Variants in TYW1B observed in about 807,000 individuals in gnomAD.
TYW1B encodes S-adenosyl-L-methionine-dependent tRNA 4-demethylwyosine synthase TYW1B.
Under a neutral mutation model 86.9 loss-of-function variants are expected in TYW1B, and 73 were observed. The ratio of observed to expected loss-of-function variants is 0.84; its 90% CI spans 0.70 to 1.02. TYW1B has a LOEUF of 1.02. Ranked by LOEUF, TYW1B falls within the 50% of genes least tolerant of loss-of-function variation. TYW1B has a pLI of 0.00. For synonymous variants in TYW1B, 248 were observed against 292.8 expected, an observed-to-expected ratio of 0.85 and a Z score of 1.56; for missense variants, 637 against 827.4, an observed-to-expected ratio of 0.77 and a Z score of 2.82.
At chr7:72,793,380 A>T (rs1554473910) in intron 6 of TYW1B, among the ~76,000 whole-genome samples, 1 of 152,024 alleles carries the variant, frequency 6.6e-6, no homozygotes. Context: ...ATTAAATGAA[A>T]CTACAAAGAG....
At chr7:72,801,842 T>C (rs1422552622) in intron 6 of TYW1B, among the ~76,000 whole-genome samples, 1 of 152,032 alleles carries the variant, frequency 6.6e-6, no homozygotes, top group Admixed American at 6.6e-5. Context: ...CACCACTTAG[T>C]CTATACAGCA....
chr7:72,590,827 A>G lies in TYW1B; in HGVS notation c.1786-15108T>C, dbSNP rs547679963. Among the ~76,000 whole-genome samples the G allele has an allele frequency of 2.0e-5, 3 of 152,332 alleles. No individual in the cohort carries two copies. The South Asian group carries it at 6.2e-4, about 32-fold the overall frequency. ...AGTGAAGTATGGTCCATCCAAAAGA[A>G]AACTACAAATCCAACAGAAACTGAC... On this transcript the variant is annotated intron_variant, in intron 13 of 13. Transcript: ENST00000620995.
At chr7:72,745,246 ACTC>A (rs1787374988) in intron 7 of TYW1B, among the ~76,000 whole-genome samples, 1 of 151,764 alleles carries the variant, frequency 6.6e-6, no homozygotes, top group South Asian at 2.1e-4. Context: ...CTGGTCTTGA[ACTC>A]CTGGTCTCAA....
At chr7:72,806,231 GTGT>G in intron 5 of TYW1B, among the ~76,000 whole-genome samples, 2 of 112,464 alleles carry the variant, frequency 1.8e-5, no homozygotes, top group Non-Finnish European at 3.5e-5. Flanking sequence ...GGTTGTGTGT[GTGT>G]GGGTTTTTTT....
intron 7 of TYW1B, among the ~76,000 whole-genome samples, chr7:72,751,890 G>A (rs1209995186): frequency 6.6e-6 from 1 of 152,176 alleles, no homozygotes; most frequent in African/African-American, 2.4e-5. Context: ...ACTCCCACTG[G>A]TCCCTGCTGG....
chr7:72,582,979 T>C (rs782428171), intron 13 of TYW1B, among the ~76,000 whole-genome samples: 4 of 152,100 alleles, frequency 2.6e-5, no homozygotes, highest in Non-Finnish European at 4.4e-5. Flanking sequence ...ATCTGGTATG[T>C]GTATGTTAGG....
intron 7 of TYW1B, among the ~76,000 whole-genome samples, chr7:72,760,839 A>G (rs1266477508): frequency 3.3e-5 from 5 of 152,230 alleles, no homozygotes; most frequent in African/African-American, 7.2e-5. Context: ...TTATAAAACT[A>G]TAAACCCAGC....
intron 9 of TYW1B, among the ~76,000 whole-genome samples, chr7:72,716,941 C>A (rs1286119946): frequency 1.3e-5 from 2 of 150,874 alleles, no homozygotes; most frequent in Non-Finnish European, 2.9e-5. Context: ...AAGGGACTCA[C>A]AAACTCACAA....
At chr7:72,627,392 G>C (rs1554439038) in intron 12 of TYW1B, among the ~76,000 whole-genome samples, 1 of 151,882 alleles carries the variant, frequency 6.6e-6, no homozygotes, top group Non-Finnish European at 1.5e-5. Context: ...AGGTTTCAGT[G>C]AGCCGAGATC....
intron 13 of TYW1B, among the ~76,000 whole-genome samples, chr7:72,613,189 T>A (rs1286775982): frequency 6.6e-6 from 1 of 152,072 alleles, no homozygotes; most frequent in African/African-American, 2.4e-5. Flanking sequence ...AAATATAGTA[T>A]CTGCCTAGAT....
chr7:72,738,324 C>T (rs1427083006), intron 8 of TYW1B, among the ~76,000 whole-genome samples: 2 of 151,862 alleles, frequency 1.3e-5, no homozygotes, highest in African/African-American at 4.8e-5. Context: ...ACCTCGTGAT[C>T]CGCCTGCCTC....
chr7:72,673,301 A>G (rs112429660), intron 11 of TYW1B, among the ~76,000 whole-genome samples: 2,521 of 130,190 alleles, frequency 0.019, 20 homozygotes, highest in African/African-American at 0.053. Flanking sequence ...CTGCACTCCC[A>G]TGTTTATTGC....
chr7:72,758,382 G>A (rs1421104634), intron 7 of TYW1B, among the ~76,000 whole-genome samples: 1 of 151,958 alleles, frequency 6.6e-6, no homozygotes, highest in East Asian at 1.9e-4. Context: ...CCTGAAAGTG[G>A]ACCTAATTTA....
In TYW1B at chr7:72,807,311, G is replaced by A. The variant is rs201902056; in HGVS notation, c.478C>T (p.Arg160Cys). The A allele has an allele frequency of 4.1e-4, 669 of 1,613,986 alleles. 5 individuals are homozygous for A. In the East Asian group the frequency reaches 0.013, roughly 32 times the overall value. The part of the protein sequence containing the change: ...DKWLWMLGVH[R>C]VMSRGEGDCD... ...TCGCCCTCCCCTCGACTCATCACACGATGCACGCCAAGCATCCAGAGCCAC... is the reference window on the plus strand; with the variant it reads ...TCGCCCTCCCCTCGACTCATCACACAATGCACGCCAAGCATCCAGAGCCAC... Residue 160 changes from arginine to cysteine, a missense_variant, in exon 5 of 14, where the codon CGT (arginine) becomes TGT (cysteine). Transcript: ENST00000620995.
chr7:72,651,384 G>A (rs782188715), intron 11 of TYW1B, among the ~76,000 whole-genome samples: 1 of 152,206 alleles, frequency 6.6e-6, no homozygotes. Context: ...CTGGGAGGCC[G>A]AGGTGGGCAG....
At chr7:72,580,359 G>A (rs1468056631) in intron 13 of TYW1B, among the ~76,000 whole-genome samples, 2 of 152,126 alleles carry the variant, frequency 1.3e-5, no homozygotes, top group South Asian at 2.1e-4. Flanking sequence ...ACCCCAAATC[G>A]TAAAATCTGA....
intron 13 of TYW1B, among the ~76,000 whole-genome samples, chr7:72,613,303 T>C (rs1585848093): frequency 6.6e-6 from 1 of 151,646 alleles, no homozygotes; most frequent in African/African-American, 2.4e-5. Flanking sequence ...GTAAAATGAG[T>C]AAACAAGCAA....
chr7:72,688,069 G>A (rs1390228566), intron 11 of TYW1B, among the ~76,000 whole-genome samples: 3 of 152,028 alleles, frequency 2.0e-5, no homozygotes, highest in Admixed American at 6.6e-5. Context: ...GCAAAAATAT[G>A]TACAACATGA....
In TYW1B at chr7:72,639,961, G is replaced by A. The variant is rs548922516; in HGVS notation, c.1507-10964C>T. Among the ~76,000 whole-genome samples the A allele has an allele frequency of 1.1e-3, 167 of 152,152 alleles. 1 individual carries two copies. Among genetic ancestry groups the A allele is most frequent in the Non-Finnish European group, 1.8e-3 (123 of 68,006 alleles). ...AAAACAGCATAAAAGTTGGGATGGAGTTAATGGAGTTAAGTATTCTAAGTG... is the reference window on the plus strand; with the variant it reads ...AAAACAGCATAAAAGTTGGGATGGAATTAATGGAGTTAAGTATTCTAAGTG... On this transcript the variant is annotated intron_variant, in intron 11 of 13. Transcript: ENST00000620995.
Sources: gnomAD v4.1 joint callset for allele counts (sites outside exome capture counted in the v4.1 genomes callset) on GRCh38, gnomAD v4.1.1 for gene constraint, MANE v1.5 for transcripts, NCBI Gene and HGNC (gene_info 2026-07-23, HGNC 2026-07-21) for gene names.